PCDH15: variants seen among roughly 807,000 people sequenced by gnomAD.
PCDH15 encodes the protein protocadherin-15.
PCDH15 carries 129 observed loss-of-function variants against 178.5 expected under a neutral mutation model. The ratio of observed to expected loss-of-function variants is 0.72; its 90% CI spans 0.63 to 0.84. The LOEUF (loss-of-function observed/expected upper bound fraction) is 0.84. Among genes scored for constraint, PCDH15 ranks in the 40% least tolerant of loss-of-function variants. PCDH15 has a pLI of 0.00. For missense variants in PCDH15, 2,230 were observed against 2,099.9 expected, an observed-to-expected ratio of 1.06 and a Z score of -1.21; for synonymous variants, 800 against 732.0, an observed-to-expected ratio of 1.09 and a Z score of -1.50.
chr10:54,351,473 A>G (rs2134260256), intron 5 of PCDH15, among the ~76,000 whole-genome samples: 1 of 152,286 alleles, frequency 6.6e-6, no homozygotes, highest in South Asian at 2.1e-4. Flanking sequence ...TCAATTGTAG[A>G]AACTGGTTCA....
At chr10:54,876,054 T>C (rs191684466) in intron 3 of PCDH15, among the ~76,000 whole-genome samples, 285 of 152,244 alleles carry the variant, frequency 1.9e-3, no homozygotes, top group Middle Eastern at 3.4e-3. Flanking sequence ...TAGAAGCTAA[T>C]ATAGCTTGTG....
chr10:54,900,530 A>G (rs976795253), intron 2 of PCDH15, among the ~76,000 whole-genome samples: 1 of 152,200 alleles, frequency 6.6e-6, no homozygotes, highest in African/African-American at 2.4e-5. Flanking sequence ...GAAGAAATTA[A>G]TTTCAATCCA....
chr10:54,622,620 T>TATATATA, intron 2 of PCDH15, among the ~76,000 whole-genome samples: 1 of 40,276 alleles, frequency 2.5e-5, no homozygotes, highest in African/African-American at 1.1e-4. Flanking sequence ...TTATATATAA[T>TATATATA]ATATATAATA....
chr10:54,986,383 C>T (rs886077740), intron 2 of PCDH15, among the ~76,000 whole-genome samples: 3 of 151,902 alleles, frequency 2.0e-5, no homozygotes, highest in African/African-American at 7.3e-5. Context: ...AAGTACAACT[C>T]CAGAGGGAAA....
chr10:54,265,528 A>T (rs543148158), intron 8 of PCDH15, among the ~76,000 whole-genome samples: 1 of 152,070 alleles, frequency 6.6e-6, no homozygotes, highest in Non-Finnish European at 1.5e-5. Flanking sequence ...TCTTCAAGAG[A>T]CCCATCTCAT....
intron 2 of PCDH15, among the ~76,000 whole-genome samples, chr10:54,908,466 G>C (rs950484582): frequency 6.6e-6 from 1 of 152,154 alleles, no homozygotes; most frequent in African/African-American, 2.4e-5. Context: ...GGAGCTTCTA[G>C]GTCTGGGGCC....
chr10:54,124,338 G>C (rs991786315), intron 15 of PCDH15, among the ~76,000 whole-genome samples: 4 of 152,168 alleles, frequency 2.6e-5, no homozygotes, highest in Admixed American at 2.6e-4. Context: ...CTGTGGGCTG[G>C]TGTTTGGGGA....
intron 16 of PCDH15, among the ~76,000 whole-genome samples, chr10:54,081,483 T>C (rs2094436262): frequency 6.6e-6 from 1 of 152,118 alleles, no homozygotes; most frequent in South Asian, 2.1e-4. Context: ...GAGGTAGTTT[T>C]TATGTAATAC....
intron 2 of PCDH15, among the ~76,000 whole-genome samples, chr10:55,027,938 A>T (rs1364042454): frequency 2.0e-5 from 3 of 151,900 alleles, no homozygotes; most frequent in Non-Finnish European, 4.4e-5. Flanking sequence ...GAGGAAAAAT[A>T]GAATGTTACT....
At chr10:54,349,869 T>C (rs1943904616) in intron 5 of PCDH15, among the ~76,000 whole-genome samples, 1 of 152,182 alleles carries the variant, frequency 6.6e-6, no homozygotes, top group African/African-American at 2.4e-5. Context: ...ATGTTCTCAT[T>C]TCAGAATATG....
At chr10:55,576,395 T>C (rs974380036) in intron 2 of PCDH15, among the ~76,000 whole-genome samples, 8 of 152,256 alleles carry the variant, frequency 5.3e-5, no homozygotes, top group African/African-American at 1.7e-4. Context: ...GTCTTTCTGT[T>C]TCATGGGTGG....
rs373062263 is a variant in PCDH15 at position 54,316,803 on chromosome 10, A to G, written c.876+468T>C. Among the ~76,000 whole-genome samples the G allele has an allele frequency of 4.6e-5, 7 of 152,300 alleles. No individual in the cohort carries two copies. In the East Asian group the frequency reaches 9.7e-4, roughly 21 times the overall value. ...TTTCTATATCTTTACTTTAAGAGGT[A>G]AGTATTTGTATTCAGTATTTGTTAG... On this transcript the variant is annotated intron_variant, in intron 8 of 37. Coordinates refer to ENST00000644397, the MANE Select transcript of PCDH15 (RefSeq NM_001384140.1).
intron 5 of PCDH15, among the ~76,000 whole-genome samples, chr10:54,363,045 A>T (rs1442902260): frequency 1.3e-5 from 2 of 152,080 alleles, no homozygotes; most frequent in African/African-American, 4.8e-5. Flanking sequence ...TCAGCGTAGA[A>T]ATATATATGT....
At chr10:54,743,915 G>A (rs1217975456) in intron 1 of PCDH15, among the ~76,000 whole-genome samples, 1 of 151,974 alleles carries the variant, frequency 6.6e-6, no homozygotes, top group African/African-American at 2.4e-5. Flanking sequence ...TTTTCAAAAT[G>A]GCTTTCAGTG....
At chr10:54,784,209 G>T (rs549344640) in intron 1 of PCDH15, among the ~76,000 whole-genome samples, 1 of 151,768 alleles carries the variant, frequency 6.6e-6, no homozygotes, top group African/African-American at 2.4e-5. Flanking sequence ...ATTTGGTTGA[G>T]GACACACGGC....
At chr10:54,776,970 T>C (rs760421173) in intron 1 of PCDH15, among the ~76,000 whole-genome samples, 2 of 152,188 alleles carry the variant, frequency 1.3e-5, no homozygotes, top group Non-Finnish European at 2.9e-5. Flanking sequence ...AAGAAATGTT[T>C]TCTTTTATTA....
rs1463539677 is a variant in PCDH15, at chr10:54,717,585, G to A, written c.-28-53295C>T. Among the ~76,000 whole-genome samples, 2 of 138,580 alleles carry A rather than the reference G, an allele frequency of 1.4e-5. 1 individual carries two copies. Among genetic ancestry groups the A allele is most frequent in the Non-Finnish European group, 3.1e-5 (2 of 63,868 alleles). The allele number at this position is 138,580 out of a possible 152,430, so 90.9% of individuals were successfully genotyped here. A position where few individuals can be genotyped will look rare whatever the true frequency, so the allele number is the denominator to read the frequency against. ...GATATCATCTCACACCAGTTAGAAT[G>A]GCAATCATTAAAAAGTCAGGAAACA... On this transcript the variant is annotated intron_variant, in intron 1 of 37. Coordinates refer to ENST00000644397, the MANE Select transcript of PCDH15 (RefSeq NM_001384140.1).
chr10:53,988,996 A>C (rs2091292299), intron 21 of PCDH15, among the ~76,000 whole-genome samples: 1 of 152,188 alleles, frequency 6.6e-6, no homozygotes, highest in South Asian at 2.1e-4. Context: ...CTATGGGAAA[A>C]AAATGTGATG....
chr10:54,816,873 T>G (rs545818617), intron 3 of PCDH15, among the ~76,000 whole-genome samples: 25 of 152,180 alleles, frequency 1.6e-4, no homozygotes, highest in African/African-American at 6.0e-4. Context: ...TTGAGCTACA[T>G]TGACCTTACA....
Sources: allele counts gnomAD v4.1 joint callset (sites outside exome capture counted in the v4.1 genomes callset), GRCh38; gene constraint gnomAD v4.1.1; transcripts MANE v1.5; gene names NCBI Gene and HGNC (gene_info 2026-07-23, HGNC 2026-07-21).